The following ZC3H12B variants were observed in gnomAD, a reference collection of about 807,000 sequenced individuals.
The protein encoded by ZC3H12B is zinc finger CCCH-type containing 12B, also known as probable ribonuclease ZC3H12B.
ZC3H12B carries 7 observed loss-of-function variants against 43.9 expected under a neutral mutation model. The ratio of observed to expected loss-of-function variants is 0.16; its 90% CI spans 0.09 to 0.30. The LOEUF is 0.30. ZC3H12B is among the 10% of genes least tolerant of loss of function. The pLI is 1.00. For synonymous variants in ZC3H12B, 222 were observed against 241.7 expected, an observed-to-expected ratio of 0.92 and a Z score of 0.76; for missense variants, 475 against 670.2, an observed-to-expected ratio of 0.71 and a Z score of 3.22.
chrX:65,157,430 T>C, the ZC3H12B span, among the ~76,000 whole-genome samples: 14 of 112,413 alleles, frequency 1.2e-4, no homozygotes, highest in South Asian at 5.1e-3. Flanking sequence ...TCAAAGTAAA[T>C]TAAATCTATT....
At chrX:65,056,860 T>C in the ZC3H12B span, among the ~76,000 whole-genome samples, 1 of 111,924 alleles carries the variant, frequency 8.9e-6, no homozygotes, top group Admixed American at 9.5e-5. Flanking sequence ...TTGTCTCTTT[T>C]GATCTGTGTT....
intron 2 of ZC3H12B, among the ~76,000 whole-genome samples, chrX:65,373,864 G>A (rs762497396): frequency 3.1e-5 from 1 of 32,583 alleles, no homozygotes; most frequent in East Asian, 1.3e-3. Flanking sequence ...TACGCGTTCT[G>A]CACATGTACC....
At chrX:65,362,712 TA>T (rs2147964392), upstream of ZC3H12B, among the ~76,000 whole-genome samples, 1 of 111,146 alleles carries the variant, frequency 9.0e-6, no homozygotes, top group African/African-American at 3.3e-5. Context: ...CAGCATGCTT[TA>T]AAAGGATTAA....
the ZC3H12B span, among the ~76,000 whole-genome samples, chrX:65,151,028 T>C: frequency 4.5e-5 from 5 of 112,277 alleles, no homozygotes; most frequent in Non-Finnish European, 9.4e-5. Context: ...TATTCAAGCA[T>C]TTGTTATTGA....
At chrX:65,087,084 C>CT in the ZC3H12B span, among the ~76,000 whole-genome samples, 2 of 110,637 alleles carry the variant, frequency 1.8e-5, no homozygotes, top group Non-Finnish European at 3.8e-5. Flanking sequence ...GGTCTGCTCT[C>CT]TGAGTCTAAT....
the ZC3H12B span, among the ~76,000 whole-genome samples, chrX:65,231,054 T>A: frequency 9.0e-6 from 1 of 111,352 alleles, no homozygotes; most frequent in Non-Finnish European, 1.9e-5. Flanking sequence ...TTTCCCTAAT[T>A]GTTGGCCGGT....
the ZC3H12B span, among the ~76,000 whole-genome samples, chrX:65,056,969 C>G: frequency 1.8e-5 from 2 of 111,594 alleles, no homozygotes; most frequent in Non-Finnish European, 3.8e-5. Flanking sequence ...TTATTTTGAG[C>G]CTATGTGTGT....
the ZC3H12B span, among the ~76,000 whole-genome samples, chrX:65,226,850 C>T: frequency 9.0e-6 from 1 of 111,548 alleles, no homozygotes; most frequent in Non-Finnish European, 1.9e-5. Flanking sequence ...AATATATATG[C>T]ACCCAAAACA....
the ZC3H12B span, among the ~76,000 whole-genome samples, chrX:65,264,034 C>A: frequency 9.0e-6 from 1 of 111,183 alleles, no homozygotes; most frequent in Non-Finnish European, 1.9e-5. Context: ...GCTGGGAGGC[C>A]ATTATTCTAA....
chrX:65,475,274 C>A (rs1275370798), intron 3 of ZC3H12B, among the ~76,000 whole-genome samples: 1 of 111,882 alleles, frequency 8.9e-6, no homozygotes, highest in Non-Finnish European at 1.9e-5. Flanking sequence ...TTTCACATCA[C>A]TATTTAGCAT....
At chrX:65,316,427 T>TGAGAAAGG in the ZC3H12B span, among the ~76,000 whole-genome samples, 4 of 111,855 alleles carry the variant, frequency 3.6e-5, no homozygotes, top group Non-Finnish European at 7.5e-5. Context: ...ACCTAAAAGT[T>TGAGAAAGG]TACAGCATTA....
the ZC3H12B span, among the ~76,000 whole-genome samples, chrX:65,348,843 A>C: frequency 1.8e-5 from 2 of 111,716 alleles, no homozygotes; most frequent in African/African-American, 6.5e-5. Flanking sequence ...ATATGCACCC[A>C]ATACAGGAGC....
chrX:65,221,811 A>T, the ZC3H12B span, among the ~76,000 whole-genome samples: 9 of 111,627 alleles, frequency 8.1e-5, no homozygotes, highest in South Asian at 3.0e-3. Flanking sequence ...TCCACAAGAT[A>T]TAAAAAAAAG....
rs759878763 is a variant in ZC3H12B at position 65,397,545 on chromosome X, G to A, written n.296-1048G>A. On this transcript the variant is annotated intron_variant and non_coding_transcript_variant, in intron 2 of 5. Transcript: ENST00000617377. Reference sequence around the variant, plus strand: ...GGCCCCACTGTCTTCTGGCTTGTAGGGTTTCTGCAGAGAGATCCATTGAAT... The same window carrying A: ...GGCCCCACTGTCTTCTGGCTTGTAGAGTTTCTGCAGAGAGATCCATTGAAT... Among the ~76,000 whole-genome samples, 15 of 111,377 alleles carry A rather than the reference G, an allele frequency of 1.3e-4. No homozygotes were observed. In the South Asian group the frequency reaches 5.6e-3, roughly 42 times the overall value.
At chrX:65,438,360 T>G (rs1285606139) in intron 3 of ZC3H12B, among the ~76,000 whole-genome samples, 4 of 112,404 alleles carry the variant, frequency 3.6e-5, no homozygotes, top group Non-Finnish European at 5.6e-5. Context: ...ATATGGAATA[T>G]CTTTCCTTTT....
At chrX:65,193,368 G>A in the ZC3H12B span, among the ~76,000 whole-genome samples, 1 of 111,154 alleles carries the variant, frequency 9.0e-6, no homozygotes, top group Non-Finnish European at 1.9e-5. Context: ...AATCTTAGTT[G>A]GTTGTATGTG....
the ZC3H12B span, among the ~76,000 whole-genome samples, chrX:65,285,671 T>C: frequency 6.3e-5 from 7 of 111,738 alleles, no homozygotes; most frequent in Non-Finnish European, 1.1e-4. Flanking sequence ...GCGAATTTGT[T>C]ACCACTACAC....
the ZC3H12B span, among the ~76,000 whole-genome samples, chrX:65,088,074 G>C: frequency 3.6e-5 from 4 of 111,840 alleles, no homozygotes; most frequent in Admixed American, 9.5e-5. Flanking sequence ...CCTTAATACA[G>C]TCTGTAGCCT....
the ZC3H12B span, among the ~76,000 whole-genome samples, chrX:65,201,334 A>G: frequency 6.3e-5 from 7 of 111,716 alleles, no homozygotes; most frequent in South Asian, 3.7e-4. Context: ...GTTTATGTGT[A>G]TAGAGATGTC....
Sources: gnomAD v4.1 joint callset for allele counts (sites outside exome capture counted in the v4.1 genomes callset) on GRCh38, gnomAD v4.1.1 for gene constraint, MANE v1.5 for transcripts, NCBI Gene and HGNC (gene_info 2026-07-23, HGNC 2026-07-21) for gene names.